Variants in MACROD2 observed in about 807,000 individuals in gnomAD.
The protein encoded by MACROD2 is ADP-ribose glycohydrolase MACROD2.
In MACROD2, 36 loss-of-function variants were observed where a neutral mutation model predicts 70.4. That is an observed-to-expected ratio of 0.51 (90% CI 0.39 to 0.68). MACROD2 has a LOEUF of 0.68. Ranked by LOEUF, MACROD2 falls within the 30% of genes least tolerant of loss-of-function variation. The pLI is 0.00. For missense variants in MACROD2, 496 were observed against 538.4 expected, an observed-to-expected ratio of 0.92 and a Z score of 0.78; for synonymous variants, 172 against 178.8, an observed-to-expected ratio of 0.96 and a Z score of 0.30.
chr20:15,972,071 C>T (rs2066239770), intron 13 of MACROD2, among the ~76,000 whole-genome samples: 1 of 151,900 alleles, frequency 6.6e-6, no homozygotes, highest in Admixed American at 6.6e-5. Context: ...AAACACAGTG[C>T]CTGAATTAAA....
intron 4 of MACROD2, among the ~76,000 whole-genome samples, chr20:14,679,930 G>GT: frequency 6.6e-6 from 1 of 152,168 alleles, no homozygotes; most frequent in African/African-American, 2.4e-5. Context: ...GCACTAGCAA[G>GT]TAACTTAAAA....
intron 4 of MACROD2, among the ~76,000 whole-genome samples, chr20:14,508,322 C>G (rs2084991907): frequency 6.6e-6 from 1 of 151,840 alleles, no homozygotes; most frequent in African/African-American, 2.4e-5. Context: ...TTCTCTTTTC[C>G]TTTCTGCTCC....
intron 3 of MACROD2, among the ~76,000 whole-genome samples, chr20:14,091,299 A>C (rs944311513): frequency 6.6e-6 from 1 of 152,152 alleles, no homozygotes; most frequent in African/African-American, 2.4e-5. Flanking sequence ...TTGAACTTAC[A>C]GTAGAGAGTA....
intron 3 of MACROD2, among the ~76,000 whole-genome samples, chr20:14,246,250 C>T (rs1418792850): frequency 6.6e-6 from 1 of 152,216 alleles, no homozygotes; most frequent in Non-Finnish European, 1.5e-5. Flanking sequence ...CTCATGCAGG[C>T]AGGCATGGAT....
chr20:14,282,831 A>G lies in MACROD2; in HGVS notation c.271+197103A>G, dbSNP rs947197441. Among the ~76,000 whole-genome samples the G allele has an allele frequency of 2.6e-5, 4 of 152,186 alleles. No individual in the cohort carries two copies. In the East Asian group the frequency reaches 7.7e-4, roughly 29 times the overall value. The stretch of plus-strand genomic sequence containing the variant: ...GATCACGTGAGAACTCACAATCACA[A>G]AGACAGCACCAGGCCATGAGGGATC... On this transcript the variant is annotated intron_variant, in intron 3 of 17. Transcript: ENST00000684519.
rs187470866 is a variant in MACROD2, at chr20:14,982,499, T to C, written c.419-247441T>C. 3.6e-3 allele frequency among the ~76,000 whole-genome samples: 543 copies of C among 152,246 alleles called. 3 individuals are homozygous for C. The highest frequency in any genetic ancestry group is 0.012 in the African/African-American group (507 of 41,550). On this transcript the variant is annotated intron_variant, in intron 5 of 17. Coordinates refer to ENST00000684519, the MANE Select transcript of MACROD2 (RefSeq NM_001351661.2). ...GGCACAGGAGGAAAAAATGGTTTAATGGGCCACACCAAGGGTCACCATGCT... is the reference window on the plus strand; with the variant it reads ...GGCACAGGAGGAAAAAATGGTTTAACGGGCCACACCAAGGGTCACCATGCT...
intron 3 of MACROD2, chr20:14,327,225 A>G: frequency 6.2e-7 from 1 of 1,613,646 alleles, no homozygotes; most frequent in South Asian, 1.1e-5. Flanking sequence ...ATTCATCTAA[A>G]CTGTTGTGGT....
intron 6 of MACROD2, among the ~76,000 whole-genome samples, chr20:15,428,866 A>T (rs528819295): frequency 4.6e-5 from 7 of 152,194 alleles, no homozygotes; most frequent in African/African-American, 1.7e-4. Context: ...TGCCTTCCCT[A>T]CACCTTGAGG....
chr20:14,598,372 C>T (rs1488512652), intron 4 of MACROD2, among the ~76,000 whole-genome samples: 1 of 151,758 alleles, frequency 6.6e-6, no homozygotes, highest in Non-Finnish European at 1.5e-5. Context: ...TTTTAATTGA[C>T]CTTCATTATG....
At chr20:14,411,879 A>G (rs1262206502) in intron 3 of MACROD2, among the ~76,000 whole-genome samples, 1 of 152,066 alleles carries the variant, frequency 6.6e-6, no homozygotes, top group Non-Finnish European at 1.5e-5. Context: ...TCTCAACCCC[A>G]AAAGACTTAG....
At chr20:14,226,492 T>C (rs2081735116) in intron 3 of MACROD2, among the ~76,000 whole-genome samples, 1 of 152,122 alleles carries the variant, frequency 6.6e-6, no homozygotes, top group Non-Finnish European at 1.5e-5. Flanking sequence ...CTCCCTCAGC[T>C]TGCAGGGAGA....
At chr20:14,940,255 G>C (rs1016401662) in intron 5 of MACROD2, among the ~76,000 whole-genome samples, 5 of 151,756 alleles carry the variant, frequency 3.3e-5, no homozygotes, top group Non-Finnish European at 7.4e-5. Context: ...GAACACCTGA[G>C]CCCAGGAGGT....
chr20:14,446,229 A>G (rs2084180396), intron 3 of MACROD2, among the ~76,000 whole-genome samples: 1 of 152,084 alleles, frequency 6.6e-6, no homozygotes, highest in Non-Finnish European at 1.5e-5. Flanking sequence ...GAATCATAAT[A>G]GTAATAGTAT....
chr20:15,099,425 A>G (rs923121820), intron 5 of MACROD2, among the ~76,000 whole-genome samples: 4 of 152,194 alleles, frequency 2.6e-5, no homozygotes, highest in Non-Finnish European at 5.9e-5. Flanking sequence ...AGGAGAGGCC[A>G]TGTGAGTTCA....
rs571939985 is a variant in MACROD2, at chr20:16,027,081, G to A, written c.1154-14120G>A. ...TGAAAATAAGCTGCCTAGAAAATGGGCTTTCACTTAATGCAGATGTGTTTG... is the reference window on the plus strand; with the variant it reads ...TGAAAATAAGCTGCCTAGAAAATGGACTTTCACTTAATGCAGATGTGTTTG... On this transcript the variant is annotated intron_variant, in intron 15 of 17. Coordinates refer to ENST00000684519, the MANE Select transcript of MACROD2 (RefSeq NM_001351661.2). Among the ~76,000 whole-genome samples, 8 of 152,260 alleles carry A rather than the reference G, an allele frequency of 5.3e-5. No homozygotes were observed. In the South Asian group the frequency reaches 1.2e-3, roughly 24 times the overall value.
At chr20:14,027,152 A>G (rs540758732) in intron 2 of MACROD2, among the ~76,000 whole-genome samples, 14 of 152,130 alleles carry the variant, frequency 9.2e-5, no homozygotes, top group Non-Finnish European at 1.6e-4. Flanking sequence ...GGCTTTGTTC[A>G]TTCCTTTTCA....
chr20:15,095,861 TTGTGTGTGTGTG>T (rs11468899), intron 5 of MACROD2, among the ~76,000 whole-genome samples: 12 of 148,580 alleles, frequency 8.1e-5, no homozygotes, highest in Non-Finnish European at 1.8e-4. Flanking sequence ...ACCATGTTGT[TTGTGTGTGTGTG>T]TGTGTGTGTG....
intron 2 of MACROD2, among the ~76,000 whole-genome samples, chr20:14,069,088 AC>A: frequency 6.6e-6 from 1 of 152,238 alleles, no homozygotes; most frequent in African/African-American, 2.4e-5. Context: ...AGCTGGGATT[AC>A]AGGCCCCCGC....
chr20:15,088,220 G>T (rs925975235), intron 5 of MACROD2, among the ~76,000 whole-genome samples: 1 of 151,186 alleles, frequency 6.6e-6, no homozygotes, highest in Non-Finnish European at 1.5e-5. Context: ...TGCCTCTTTT[G>T]GCATCATATA....
Sources: allele counts gnomAD v4.1 joint callset (sites outside exome capture counted in the v4.1 genomes callset), GRCh38; gene constraint gnomAD v4.1.1; transcripts MANE v1.5; gene names NCBI Gene and HGNC (gene_info 2026-07-23, HGNC 2026-07-21).